RNF212B: variants seen among roughly 807,000 people sequenced by gnomAD.
RNF212B encodes the protein ring finger protein 212B.
Under a neutral mutation model 55.5 loss-of-function variants are expected in RNF212B, and 52 were observed. The ratio of observed to expected loss-of-function variants is 0.94; its 90% CI spans 0.75 to 1.18. The LOEUF (loss-of-function observed/expected upper bound fraction) is 1.18. Among genes scored for constraint, RNF212B ranks in the 50% most tolerant of loss-of-function variants. The pLI is 0.00. For synonymous variants in RNF212B, 99 were observed against 121.4 expected, an observed-to-expected ratio of 0.82 and a Z score of 1.21; for missense variants, 289 against 350.4, an observed-to-expected ratio of 0.82 and a Z score of 1.40.
Position 23,254,286 on chromosome 14 carries a change from C to CAAAA in RNF212B, c.229-4261_229-4258dup, listed in dbSNP as rs763020430. The stretch of plus-strand genomic sequence containing the variant: ...GGTGACAGAGCAATACTCTTTATCT[C>CAAAA]AAAAACAAAACAAAACAAAACAAAA... On this transcript the variant is annotated intron_variant, in intron 4 of 14. Coordinates refer to ENST00000430154, the MANE Select transcript of RNF212B (RefSeq NM_001282322.3). Among the ~76,000 whole-genome samples the CAAAA allele has an allele frequency of 5.0e-3, 425 of 84,784 alleles. 25 individuals carry two copies. The highest frequency in any genetic ancestry group is 0.02 in the African/African-American group (415 of 20,878). 55.6% of individuals were successfully genotyped at this position (84,784 alleles called of 152,430 possible).
chr14:23,194,912 A>T (rs1878504755), intron 2 of RNF212B, among the ~76,000 whole-genome samples: 1 of 152,184 alleles, frequency 6.6e-6, no homozygotes, highest in South Asian at 2.1e-4. Flanking sequence ...ATTTAAAAAC[A>T]TTTCGATTTA....
At chr14:23,269,372 G>C (rs1015915240) in intron 12 of RNF212B, among the ~76,000 whole-genome samples, 1 of 152,140 alleles carries the variant, frequency 6.6e-6, no homozygotes, top group Admixed American at 6.5e-5. Context: ...TTGTACCACC[G>C]AAGTTTACAA....
chr14:23,243,674 C>T (rs867455537), intron 3 of RNF212B, among the ~76,000 whole-genome samples: 8 of 116,038 alleles, frequency 6.9e-5, no homozygotes, highest in Admixed American at 5.5e-4. Flanking sequence ...CCAGCTTGGG[C>T]TCAGAGTAAG....
chr14:23,264,663 C>CT lies in RNF212B; in HGVS notation c.628dup (p.Tyr210LeufsTer2). ...CAGGGAAGGAGAACTCCCAGAGACT[C>CT]TTATAATGGTGAGGTGGGGGGAAAA... On this transcript the variant is annotated frameshift_variant, in exon 11 of 15. Coordinates refer to ENST00000430154, the MANE Select transcript of RNF212B (RefSeq NM_001282322.3). LOFTEE classifies it high-confidence loss of function. 7.6e-7 allele frequency: 1 copy of CT among 1,316,670 alleles called. No homozygotes were observed. The highest frequency in any genetic ancestry group is 1.5e-5 in the African/African-American group (1 of 66,350). The allele number at this position is 1,316,670 out of a possible 1,614,324, so 81.6% of individuals were successfully genotyped here.
intron 2 of RNF212B, among the ~76,000 whole-genome samples, chr14:23,230,523 G>A (rs923165000): frequency 1.3e-5 from 2 of 151,702 alleles, no homozygotes; most frequent in Non-Finnish European, 2.9e-5. Flanking sequence ...GTGTGGTGGC[G>A]GGGGCCTGTA....
At chr14:23,251,248 A>ACAATT (rs10555690) in intron 4 of RNF212B, among the ~76,000 whole-genome samples, 24 of 151,324 alleles carry the variant, frequency 1.6e-4, no homozygotes, top group Admixed American at 1.2e-3. Context: ...TAGGTATGCA[A>ACAATT]CAATTCAATT....
At position 23,260,655 on chromosome 14, in the gene RNF212B, A is replaced by G. The variant is rs1283373154; in HGVS notation, c.406-4A>G. 7 of 1,550,314 alleles carry G rather than the reference A, an allele frequency of 4.5e-6. No individual in the cohort carries two copies. The highest frequency in any genetic ancestry group is 5.2e-6 in the Non-Finnish European group (6 of 1,146,924). On this transcript the variant is annotated splice_polypyrimidine_tract_variant and splice_region_variant and intron_variant, in intron 6 of 14. Coordinates refer to ENST00000430154, the MANE Select transcript of RNF212B (RefSeq NM_001282322.3). ...TTCTTCACTCCTGGTTTTTTCACCT[A>G]TAGGAATCTCCAAGTCGGTACCAAG...
chr14:23,229,670 C>A (rs981807110), intron 2 of RNF212B, among the ~76,000 whole-genome samples: 1 of 152,128 alleles, frequency 6.6e-6, no homozygotes, highest in African/African-American at 2.4e-5. Flanking sequence ...GTCTGCTGGA[C>A]ACTTCTATAT....
At chr14:23,269,112 ATG>A in intron 12 of RNF212B, 149 bp downstream of exon 12, 2 of 595,364 alleles carry the variant, frequency 3.4e-6, no homozygotes, top group South Asian at 2.1e-5. Context: ...TGAGACCAGT[ATG>A]GCCAACATGG....
At chr14:23,226,252 C>A (rs1183967672) in intron 2 of RNF212B, among the ~76,000 whole-genome samples, 2 of 142,894 alleles carry the variant, frequency 1.4e-5, no homozygotes, top group East Asian at 4.1e-4. Flanking sequence ...GAGCCAAGAT[C>A]GCTCGCTGCA....
chr14:23,210,602 C>T (rs532668745), intron 2 of RNF212B, among the ~76,000 whole-genome samples: 1 of 151,592 alleles, frequency 6.6e-6, no homozygotes, highest in Non-Finnish European at 1.5e-5. Flanking sequence ...ATAGTGAAAC[C>T]CCGTCTCTAC....
At chr14:23,192,482 A>T (rs942072941) in intron 1 of RNF212B, among the ~76,000 whole-genome samples, 1 of 148,510 alleles carries the variant, frequency 6.7e-6, no homozygotes, top group African/African-American at 2.5e-5. Flanking sequence ...TGGGAATTGA[A>T]CAATGAGAAC....
chr14:23,196,104 C>T (rs997105095), intron 2 of RNF212B, among the ~76,000 whole-genome samples: 1 of 152,150 alleles, frequency 6.6e-6, no homozygotes, highest in East Asian at 1.9e-4. Context: ...GTCTACTGAC[C>T]TCTGAAAACT....
chr14:23,188,459 G>GTT (rs1391398286), intron 1 of RNF212B: 1 of 127,458 alleles, frequency 7.8e-6, no homozygotes, highest in African/African-American at 2.7e-5. Flanking sequence ...CAAAGATTAG[G>GTT]GTTTTTTTTT....
At chr14:23,201,737 T>C (rs1879307418) in intron 2 of RNF212B, among the ~76,000 whole-genome samples, 1 of 152,182 alleles carries the variant, frequency 6.6e-6, no homozygotes, top group South Asian at 2.1e-4. Flanking sequence ...CATTGTAAAG[T>C]CATCTGTTTA....
At chr14:23,259,529 T>C (rs1032660212) in intron 5 of RNF212B, 17 of 163,144 alleles carry the variant, frequency 1.0e-4, no homozygotes, top group African/African-American at 4.1e-4. Context: ...TCCTCTGTAT[T>C]GTTCCAATTT....
intron 2 of RNF212B, among the ~76,000 whole-genome samples, chr14:23,225,602 A>G (rs1881929493): frequency 1.3e-5 from 2 of 152,238 alleles, no homozygotes; most frequent in African/African-American, 4.8e-5. Context: ...GGGATCAAAA[A>G]TCAAAACAAT....
At chr14:23,240,093 GTA>G (rs145145517) in intron 1 of RNF212B, among the ~76,000 whole-genome samples, 5 of 147,470 alleles carry the variant, frequency 3.4e-5, no homozygotes, top group African/African-American at 1.2e-4. Flanking sequence ...GTGTTTATAT[GTA>G]TATATATATA....
intron 2 of RNF212B, among the ~76,000 whole-genome samples, chr14:23,242,762 C>T (rs929743014): frequency 6.6e-6 from 1 of 151,874 alleles, no homozygotes; most frequent in Non-Finnish European, 1.5e-5. Flanking sequence ...TCACTTGAGC[C>T]CAGGAGTTCA....
Sources: allele counts gnomAD v4.1 joint callset (sites outside exome capture counted in the v4.1 genomes callset), GRCh38; gene constraint gnomAD v4.1.1; transcripts MANE v1.5; gene names NCBI Gene and HGNC (gene_info 2026-07-23, HGNC 2026-07-21).